Variants in HYCC2 observed in about 807,000 individuals in gnomAD.
HYCC2 encodes the protein hyccin PI4KA lipid kinase complex subunit 2.
the HYCC2 span, among the ~76,000 whole-genome samples, chr2:200,982,249 T>G: frequency 3.3e-5 from 5 of 151,874 alleles, no homozygotes; most frequent in South Asian, 1.0e-3. Flanking sequence ...AAAAAAAACT[T>G]TTCCCCTCAT....
chr2:201,013,396 G>A, the HYCC2 span, among the ~76,000 whole-genome samples: 7 of 151,962 alleles, frequency 4.6e-5, no homozygotes, highest in Admixed American at 3.3e-4. Flanking sequence ...CTTGAACCCC[G>A]GAAGTAAACG....
chr2:200,976,114 T>C, the HYCC2 span: 1 of 152,088 alleles, frequency 6.6e-6, no homozygotes, highest in African/African-American at 2.4e-5. Context: ...AAAAACACTT[T>C]AAAAAAATTA....
chr2:201,007,898 T>A, the HYCC2 span, among the ~76,000 whole-genome samples: 1 of 152,200 alleles, frequency 6.6e-6, no homozygotes, highest in African/African-American at 2.4e-5. Context: ...ATACTTTGTG[T>A]TTACTGTCAT....
the HYCC2 span, among the ~76,000 whole-genome samples, chr2:201,007,839 T>TA: frequency 1.8e-4 from 28 of 151,788 alleles, no homozygotes; most frequent in African/African-American, 6.5e-4. Context: ...GATGCCTCAA[T>TA]AAAAAAAACT....
the HYCC2 span, among the ~76,000 whole-genome samples, chr2:201,015,897 C>A: frequency 6.6e-6 from 1 of 152,162 alleles, no homozygotes; most frequent in African/African-American, 2.4e-5. Flanking sequence ...CTTCATAAGA[C>A]CCAGCTTAGA....
the HYCC2 span, among the ~76,000 whole-genome samples, chr2:200,993,750 G>C: frequency 6.6e-6 from 1 of 151,952 alleles, no homozygotes; most frequent in Admixed American, 6.6e-5. Context: ...GGGAGGCTGA[G>C]GCAGGCGGAT....
chr2:200,992,815 G>T, the HYCC2 span: 1 of 939,418 alleles, frequency 1.1e-6, no homozygotes. Context: ...GTCGGATAAG[G>T]AAGAAAGAGA....
chr2:201,047,206 T>C, the HYCC2 span, among the ~76,000 whole-genome samples: 47 of 151,938 alleles, frequency 3.1e-4, no homozygotes, highest in Admixed American at 9.8e-4. Flanking sequence ...AGCACATCAG[T>C]CTCATAATCT....
chr2:201,066,416 G>A, the HYCC2 span, among the ~76,000 whole-genome samples: 1 of 152,086 alleles, frequency 6.6e-6, no homozygotes, highest in East Asian at 1.9e-4. Context: ...CTATAATGTA[G>A]AAAGGACAGT....
the HYCC2 span, chr2:200,978,697 GA>G: frequency 6.6e-6 from 1 of 151,698 alleles, no homozygotes; most frequent in Non-Finnish European, 1.5e-5. Context: ...GGCTGGTCTC[GA>G]ACTCCTGACC....
At chr2:201,029,783 G>T in the HYCC2 span, among the ~76,000 whole-genome samples, 6 of 152,154 alleles carry the variant, frequency 3.9e-5, no homozygotes, top group Non-Finnish European at 8.8e-5. Context: ...CTGTCATGAG[G>T]TGGGGGGATG....
chr2:200,989,805 C>A, the HYCC2 span, among the ~76,000 whole-genome samples: 6 of 151,982 alleles, frequency 3.9e-5, no homozygotes, highest in African/African-American at 1.4e-4. Context: ...CAGAGTGAGA[C>A]CCTGTCTCAA....
At chr2:201,047,445 C>CATATATATATATATAT in the HYCC2 span, among the ~76,000 whole-genome samples, 1,294 of 139,502 alleles carry the variant, frequency 9.3e-3, 18 homozygotes, top group African/African-American at 0.023. Flanking sequence ...TCACAGTTCT[C>CATATATATATATATAT]ATATATATAT....
chr2:201,008,446 A>G, the HYCC2 span, among the ~76,000 whole-genome samples: 1 of 152,206 alleles, frequency 6.6e-6, no homozygotes, highest in Non-Finnish European at 1.5e-5. Flanking sequence ...AAGTAATTAT[A>G]GTTAACTACT....
chr2:201,028,132 C>T, the HYCC2 span, among the ~76,000 whole-genome samples: 1,728 of 152,152 alleles, frequency 0.011, 17 homozygotes, highest in Non-Finnish European at 0.017. Flanking sequence ...GGAGACAAAA[C>T]CAATGTGCAA....
the HYCC2 span, among the ~76,000 whole-genome samples, chr2:200,987,121 C>T: frequency 1.3e-5 from 2 of 152,146 alleles, no homozygotes; most frequent in South Asian, 4.1e-4. Flanking sequence ...AGTAGCCATG[C>T]CAAGCTGTTC....
chr2:201,018,378 T>G, the HYCC2 span, among the ~76,000 whole-genome samples: 1 of 152,152 alleles, frequency 6.6e-6, no homozygotes, highest in Non-Finnish European at 1.5e-5. Context: ...AATAGTTCAG[T>G]AATTTCATGT....
the HYCC2 span, chr2:201,011,456 T>G: frequency 6.3e-7 from 1 of 1,576,040 alleles, no homozygotes; most frequent in South Asian, 1.2e-5. Flanking sequence ...ATTGTTCCCA[T>G]CTTTATCAGC....
chr2:201,018,151 T>C, the HYCC2 span, among the ~76,000 whole-genome samples: 1 of 152,158 alleles, frequency 6.6e-6, no homozygotes, highest in Non-Finnish European at 1.5e-5. Flanking sequence ...ATATGACTTA[T>C]GAGGAACTTC....
Sources: gnomAD v4.1 joint callset for allele counts (sites outside exome capture counted in the v4.1 genomes callset) on GRCh38, gnomAD v4.1.1 for gene constraint, MANE v1.5 for transcripts, NCBI Gene and HGNC (gene_info 2026-07-23, HGNC 2026-07-21) for gene names.